The following SCAPER variants were observed in gnomAD, a reference collection of about 807,000 sequenced individuals.
SCAPER encodes S-phase cyclin A associated protein in the ER, also known as S phase cyclin A-associated protein in the endoplasmic reticulum.
SCAPER carries 98 observed loss-of-function variants against 182.2 expected under a neutral mutation model. The observed-to-expected ratio is 0.54, with a 90% confidence interval of 0.46 to 0.64. The LOEUF (loss-of-function observed/expected upper bound fraction) is 0.64. SCAPER is among the 30% of genes least tolerant of loss of function. The probability of loss-of-function intolerance (pLI) is 0.00; values close to 1 mark genes in which losing one functional copy is unlikely to be tolerated. For missense variants in SCAPER, 1,432 were observed against 1,690.0 expected (o/e 0.85, Z 2.68); for synonymous variants, 605 against 564.6 (o/e 1.07, Z -1.01).
intron 20 of SCAPER, among the ~76,000 whole-genome samples, chr15:76,677,142 T>C (rs1193587132): frequency 6.6e-6 from 1 of 152,130 alleles, no homozygotes; most frequent in Non-Finnish European, 1.5e-5. Flanking sequence ...TGAATCACAA[T>C]AAAAATCTTC....
chr15:76,892,054 C>A (rs1595929316), intron 1 of SCAPER, among the ~76,000 whole-genome samples: 1 of 152,102 alleles, frequency 6.6e-6, no homozygotes, highest in South Asian at 2.1e-4. Context: ...CTTTGACAAA[C>A]CTGACAAAAA....
At chr15:76,436,188 C>T (rs1051274162) in intron 25 of SCAPER, among the ~76,000 whole-genome samples, 3 of 152,156 alleles carry the variant, frequency 2.0e-5, no homozygotes, top group African/African-American at 7.2e-5. Flanking sequence ...CTGCCTCAGC[C>T]TCCTGAGTAG....
intron 14 of SCAPER, among the ~76,000 whole-genome samples, chr15:76,756,751 C>T (rs2151214527): frequency 6.6e-6 from 1 of 152,302 alleles, no homozygotes; most frequent in East Asian, 1.9e-4. Flanking sequence ...AACATCCAAC[C>T]TAGCACTGTT....
chr15:76,763,550 TA>T (rs58474147), intron 14 of SCAPER, among the ~76,000 whole-genome samples: 142,968 of 150,436 alleles, frequency 0.95, 68,281 homozygotes, highest in East Asian at 1. Context: ...GTTATTTCTT[TA>T]AAAAAAAAAA....
intron 2 of SCAPER, among the ~76,000 whole-genome samples, chr15:76,872,327 C>T (rs2072785698): frequency 6.6e-6 from 1 of 152,002 alleles, no homozygotes; most frequent in Non-Finnish European, 1.5e-5. Context: ...AAGATAGCAG[C>T]CAAATTCTCC....
chr15:76,577,717 A>T (rs2047951881), intron 22 of SCAPER, among the ~76,000 whole-genome samples: 1 of 152,178 alleles, frequency 6.6e-6, no homozygotes, highest in Admixed American at 6.5e-5. Flanking sequence ...AGCACTCGCC[A>T]AGGGCCTTGA....
At chr15:76,851,813 G>A (rs1010326621) in intron 4 of SCAPER, among the ~76,000 whole-genome samples, 12 of 152,082 alleles carry the variant, frequency 7.9e-5, no homozygotes, top group African/African-American at 2.9e-4. Context: ...ACAACAACAT[G>A]ATAGGATCAA....
chr15:76,467,045 T>C (rs62028428), intron 25 of SCAPER, among the ~76,000 whole-genome samples: 10,325 of 152,104 alleles, frequency 0.068, 392 homozygotes, highest in Middle Eastern at 0.11. Flanking sequence ...TGTTTAAAAG[T>C]GTGTAGCATC....
At chr15:76,376,337 A>G (rs1379757609) in intron 28 of SCAPER, 26 bp from the exon 29 acceptor site, 2 of 1,590,388 alleles carry the variant, frequency 1.3e-6, no homozygotes. Context: ...AGCAGTTAGA[A>G]GCCCTCAGCC....
chr15:76,751,480 C>A (rs1033045978), intron 15 of SCAPER, among the ~76,000 whole-genome samples: 1 of 151,624 alleles, frequency 6.6e-6, no homozygotes, highest in Non-Finnish European at 1.5e-5. Flanking sequence ...TCAAAACTTA[C>A]AACAAAACTA....
At chr15:76,734,958 TGAAA>T (rs1567965799) in intron 15 of SCAPER, among the ~76,000 whole-genome samples, 1 of 151,764 alleles carries the variant, frequency 6.6e-6, no homozygotes, top group Non-Finnish European at 1.5e-5. Flanking sequence ...ATAATCAAAA[TGAAA>T]GAAAAAGTAA....
chr15:76,525,369 AAG>A (rs1320365789), intron 23 of SCAPER, among the ~76,000 whole-genome samples: 1 of 152,184 alleles, frequency 6.6e-6, no homozygotes, highest in Non-Finnish European at 1.5e-5. Context: ...ATAAATAAAA[AAG>A]TAATTTTATT....
intron 8 of SCAPER, among the ~76,000 whole-genome samples, chr15:76,781,796 T>G (rs556505510): frequency 1.2e-4 from 19 of 152,166 alleles, no homozygotes; most frequent in South Asian, 8.3e-4. Context: ...CTAAGCTTCA[T>G]AAGTGAAGGA....
chr15:76,541,414 G>A (rs182733609), intron 23 of SCAPER, among the ~76,000 whole-genome samples: 4 of 152,212 alleles, frequency 2.6e-5, no homozygotes, highest in Admixed American at 2.0e-4. Context: ...GTATGGATTT[G>A]CTTCTTCTAC....
intron 25 of SCAPER, among the ~76,000 whole-genome samples, chr15:76,436,615 T>TAAA (rs2047214617): frequency 6.6e-6 from 1 of 151,942 alleles, no homozygotes; most frequent in Non-Finnish European, 1.5e-5. Context: ...AATTATACTT[T>TAAA]TTAAAAGATT....
rs1376003021 is a variant in SCAPER, at chr15:76,766,906, C to T, written c.1419+12G>A. ...ATTTTGAATAGTTATGTTAAAAAGTCTAAAAGCTCACAGAAAAATCACTGT... is the reference window on the plus strand; with the variant it reads ...ATTTTGAATAGTTATGTTAAAAAGTTTAAAAGCTCACAGAAAAATCACTGT... On this transcript the variant is annotated intron_variant, in intron 11 of 31. Coordinates refer to ENST00000563290, the MANE Select transcript of SCAPER (RefSeq NM_020843.4). The T allele has an allele frequency of 3.2e-6, 5 of 1,581,588 alleles. No individual in the cohort carries two copies. In the African/African-American group the frequency reaches 5.5e-5, roughly 17 times the overall value.
chr15:76,692,656 T>G (rs11635998), intron 20 of SCAPER, among the ~76,000 whole-genome samples: 19,893 of 133,914 alleles, frequency 0.15, 1,969 homozygotes, highest in East Asian at 0.48. Flanking sequence ...ACCACTGCAC[T>G]CCAGCCTGGG....
intron 23 of SCAPER, among the ~76,000 whole-genome samples, chr15:76,529,117 C>T (rs142164760): frequency 4.6e-4 from 70 of 152,302 alleles, no homozygotes; most frequent in African/African-American, 1.6e-3. Context: ...GATCTCAGCT[C>T]ACTGCAACCT....
chr15:76,553,428 T>G (rs1166644994), intron 23 of SCAPER, among the ~76,000 whole-genome samples: 1 of 152,126 alleles, frequency 6.6e-6, no homozygotes, highest in Admixed American at 6.5e-5. Flanking sequence ...GGAATGTATG[T>G]ATGGATGTTT....
Sources: allele counts gnomAD v4.1 joint callset (sites outside exome capture counted in the v4.1 genomes callset), GRCh38; gene constraint gnomAD v4.1.1; transcripts MANE v1.5; gene names NCBI Gene and HGNC (gene_info 2026-07-23, HGNC 2026-07-21).